The following TCF7L1 variants were observed in gnomAD, a reference collection of about 807,000 sequenced individuals.
TCF7L1 encodes the protein transcription factor 7-like 1.
A neutral mutation model predicts 63.7 loss-of-function variants in TCF7L1; 18 were observed. The ratio of observed to expected loss-of-function variants is 0.28; its 90% CI spans 0.20 to 0.42. The LOEUF is 0.42. Among genes scored for constraint, TCF7L1 ranks in the 10% least tolerant of loss-of-function variants. TCF7L1 has a pLI of 1.00. For synonymous variants in TCF7L1, 355 were observed against 340.9 expected (o/e 1.04, Z -0.46); for missense variants, 654 against 779.3 (o/e 0.84, Z 1.91).
intron 3 of TCF7L1, among the ~76,000 whole-genome samples, chr2:85,165,275 T>A (rs1357797436): frequency 6.6e-6 from 1 of 152,260 alleles, no homozygotes; most frequent in Non-Finnish European, 1.5e-5. Context: ...GGCTGCCGTG[T>A]GTGTGCACAC....
chr2:85,159,719 G>A (rs746712466), intron 3 of TCF7L1, among the ~76,000 whole-genome samples: 2 of 152,238 alleles, frequency 1.3e-5, no homozygotes, highest in Non-Finnish European at 2.9e-5. Context: ...TGCGCCCTGG[G>A]ATGCTTAGGG....
chr2:85,228,363 G>T (rs889045805), intron 3 of TCF7L1, among the ~76,000 whole-genome samples: 3 of 152,190 alleles, frequency 2.0e-5, no homozygotes, highest in African/African-American at 7.2e-5. Flanking sequence ...CAAGGCTGCA[G>T]TGAGCCGTGA....
chr2:85,223,146 A>G (rs1183510326), intron 3 of TCF7L1, among the ~76,000 whole-genome samples: 1 of 152,192 alleles, frequency 6.6e-6, no homozygotes, highest in Non-Finnish European at 1.5e-5. Context: ...CACTGGTGCA[A>G]TCATAGCTCA....
intron 3 of TCF7L1, among the ~76,000 whole-genome samples, chr2:85,265,292 T>TA (rs5832641): frequency 0.46 from 67,164 of 146,112 alleles, 15,522 homozygotes; most frequent in Non-Finnish European, 0.53. Context: ...CCTGGGAGCT[T>TA]AAAAAAAAAA....
chr2:85,221,818 T>C lies in TCF7L1; in HGVS notation c.442-61677T>C, dbSNP rs1215291129. Among the ~76,000 whole-genome samples the C allele has an allele frequency of 4.6e-5, 7 of 152,100 alleles. No individual in the cohort carries two copies. In the East Asian group the frequency reaches 7.7e-4, roughly 17 times the overall value. On this transcript the variant is annotated intron_variant, in intron 3 of 11. Coordinates refer to ENST00000282111, the MANE Select transcript of TCF7L1 (RefSeq NM_031283.3). Reference sequence around the variant, plus strand: ...CTAAATAAAATAAAGTAAAATAACATTGAACCTGAATTTGATCAAGCCTCT... The same window carrying C: ...CTAAATAAAATAAAGTAAAATAACACTGAACCTGAATTTGATCAAGCCTCT...
intron 3 of TCF7L1, among the ~76,000 whole-genome samples, chr2:85,274,452 T>A (rs1681226768): frequency 6.6e-6 from 1 of 152,110 alleles, no homozygotes; most frequent in Admixed American, 6.5e-5. Context: ...TAGCCAAGTG[T>A]CCGGCTCTCC....
rs1003020661 is a variant in TCF7L1 at position 85,306,902 on chromosome 2, G to A, written c.1257+343G>A. 1.3e-5 allele frequency among the ~76,000 whole-genome samples: 2 copies of A among 152,148 alleles called. No individual in the cohort carries two copies. The highest frequency in any genetic ancestry group is 4.8e-5 in the African/African-American group (2 of 41,448). ...GATGGTCTCGAGCTCCTGACCTCGT[G>A]ATCCGCCCACCTCGGCCTCCCAAAG... On this transcript the variant is annotated intron_variant, in intron 10 of 11. Coordinates refer to ENST00000282111, the MANE Select transcript of TCF7L1 (RefSeq NM_031283.3). This position sits in a 1 kb window ranked among gnomAD's most constrained non-coding sequence, Gnocchi z 4.3.
chr2:85,276,755 G>A (rs192470867), intron 3 of TCF7L1, among the ~76,000 whole-genome samples: 4 of 152,118 alleles, frequency 2.6e-5, no homozygotes, highest in East Asian at 1.9e-4. Flanking sequence ...CATGATTGCC[G>A]GGTTCTGGGT....
chr2:85,251,305 A>G (rs1680581912), intron 3 of TCF7L1, among the ~76,000 whole-genome samples: 1 of 152,164 alleles, frequency 6.6e-6, no homozygotes, highest in Admixed American at 6.5e-5. Flanking sequence ...AATGACCCAT[A>G]TCCGGATATT....
chr2:85,135,107 C>T (rs865819742), intron 3 of TCF7L1, among the ~76,000 whole-genome samples: 2 of 152,206 alleles, frequency 1.3e-5, no homozygotes, highest in African/African-American at 4.8e-5. Flanking sequence ...CACTTTAAAC[C>T]TGTTAATGGG....
chr2:85,145,754 C>T (rs1338747422), intron 3 of TCF7L1, among the ~76,000 whole-genome samples: 2 of 152,246 alleles, frequency 1.3e-5, no homozygotes, highest in Non-Finnish European at 2.9e-5. Flanking sequence ...GGTCCAGCTG[C>T]ACTCTACAGT....
chr2:85,308,204 A>G (rs1320125528), intron 11 of TCF7L1, among the ~76,000 whole-genome samples: 1 of 152,144 alleles, frequency 6.6e-6, no homozygotes, highest in Non-Finnish European at 1.5e-5. Context: ...CTATATTACC[A>G]GAATCATGCC....
chr2:85,236,681 G>A (rs557421092), intron 3 of TCF7L1, among the ~76,000 whole-genome samples: 1 of 152,224 alleles, frequency 6.6e-6, no homozygotes, highest in East Asian at 1.9e-4. Flanking sequence ...ATGCTCTGGG[G>A]GCTGTGTTGG....
At chr2:85,138,989 T>C (rs917642064) in intron 3 of TCF7L1, among the ~76,000 whole-genome samples, 24 of 152,102 alleles carry the variant, frequency 1.6e-4, no homozygotes, top group Non-Finnish European at 2.5e-4. Flanking sequence ...AAATTTAGAT[T>C]TACACTTTTC....
intron 8 of TCF7L1, among the ~76,000 whole-genome samples, chr2:85,305,855 C>G (rs557413767): frequency 6.6e-6 from 1 of 152,210 alleles, no homozygotes; most frequent in East Asian, 1.9e-4. Flanking sequence ...CCCAAGAGAA[C>G]CCCCTCCCAA....
chr2:85,237,715 T>A (rs1489453393), intron 3 of TCF7L1, among the ~76,000 whole-genome samples: 12 of 70,710 alleles, frequency 1.7e-4, no homozygotes, highest in Non-Finnish European at 2.9e-4. Context: ...AACAGTGGGG[T>A]TGGGGGGTGG....
chr2:85,161,124 G>A (rs372035193), intron 3 of TCF7L1, among the ~76,000 whole-genome samples: 34 of 152,174 alleles, frequency 2.2e-4, no homozygotes, highest in African/African-American at 7.9e-4. Flanking sequence ...TGCCCATGTC[G>A]CCCTGATTAC....
intron 3 of TCF7L1, among the ~76,000 whole-genome samples, chr2:85,173,759 C>T (rs975525388): frequency 6.0e-5 from 9 of 149,560 alleles, no homozygotes; most frequent in African/African-American, 1.0e-4. Context: ...TTTTCTGAGA[C>T]GGAGTCTGTC....
chr2:85,269,932 C>T (rs1681109446), intron 3 of TCF7L1, among the ~76,000 whole-genome samples: 2 of 152,192 alleles, frequency 1.3e-5, no homozygotes, highest in African/African-American at 4.8e-5. Context: ...CCCTTATTCT[C>T]CTGTGTTCTT....
Sources: gnomAD v4.1 joint callset for allele counts (sites outside exome capture counted in the v4.1 genomes callset) on GRCh38, gnomAD v4.1.1 for gene constraint, Gnocchi (gnomAD v3.1) non-coding constraint, MANE v1.5 for transcripts, NCBI Gene and HGNC (gene_info 2026-07-23, HGNC 2026-07-21) for gene names.